Variants in NAV2 observed in about 807,000 individuals in gnomAD.
NAV2 encodes the protein neuron navigator 2.
A neutral mutation model predicts 223.2 loss-of-function variants in NAV2; 54 were observed. That is an observed-to-expected ratio of 0.24 (90% CI 0.19 to 0.30). The LOEUF (loss-of-function observed/expected upper bound fraction) is 0.30, where lower values mean the gene tolerates loss of function less well. NAV2 is among the 10% of genes least tolerant of loss of function. The pLI is 1.00. For synonymous variants in NAV2, 1,279 were observed against 1,239.3 expected, an observed-to-expected ratio of 1.03 and a Z score of -0.67; for missense variants, 2,806 against 3,147.5, an observed-to-expected ratio of 0.89 and a Z score of 2.60.
intron 11 of NAV2, among the ~76,000 whole-genome samples, chr11:20,005,251 ATATTTTT>A (rs1220570382): frequency 1.6e-4 from 1 of 6,096 alleles, no homozygotes; most frequent in Non-Finnish European, 5.2e-4. Context: ...ATATATATAT[ATATTTTT>A]TTTTTTTTTT....
intron 1 of NAV2, among the ~76,000 whole-genome samples, chr11:19,714,787 C>T (rs1254972689): frequency 6.6e-6 from 1 of 152,180 alleles, no homozygotes. Flanking sequence ...AAGCCCTGGC[C>T]GTGCAATCTC....
intron 1 of NAV2, among the ~76,000 whole-genome samples, chr11:19,810,619 T>C (rs1299594581): frequency 6.6e-6 from 1 of 152,238 alleles, no homozygotes; most frequent in Non-Finnish European, 1.5e-5. Context: ...TTAGTTTCTA[T>C]AGAGTCTTCA....
chr11:19,939,225 A>G (rs1329918001), intron 7 of NAV2, among the ~76,000 whole-genome samples: 4 of 152,170 alleles, frequency 2.6e-5, no homozygotes, highest in Admixed American at 2.6e-4. Context: ...AGAGAAAACC[A>G]TGTCAGGAGA....
intron 1 of NAV2, among the ~76,000 whole-genome samples, chr11:19,677,095 G>A (rs1170954522): frequency 6.6e-6 from 1 of 152,200 alleles, no homozygotes; most frequent in African/African-American, 2.4e-5. Context: ...AGAACTCCTT[G>A]TCCCTACAGG....
At chr11:19,449,846 T>G (rs1443638753) in intron 1 of NAV2, among the ~76,000 whole-genome samples, 1 of 80,206 alleles carries the variant, frequency 1.2e-5, no homozygotes, top group African/African-American at 4.9e-5. Context: ...CCCCTGGCCC[T>G]TCCTTCTGCA....
chr11:20,106,546 T>G (rs908934001), intron 35 of NAV2, among the ~76,000 whole-genome samples: 2 of 72,754 alleles, frequency 2.7e-5, no homozygotes, highest in Non-Finnish European at 5.5e-5. Flanking sequence ...GGGAACAGAG[T>G]GAGACTCCAA....
intron 1 of NAV2, among the ~76,000 whole-genome samples, chr11:19,716,337 A>G (rs2050310549): frequency 6.6e-6 from 1 of 152,172 alleles, no homozygotes; most frequent in Non-Finnish European, 1.5e-5. Context: ...CACCTTGATT[A>G]ATTTCTTTGG....
At chr11:19,419,799 G>T (rs1016529722) in intron 1 of NAV2, among the ~76,000 whole-genome samples, 3 of 152,214 alleles carry the variant, frequency 2.0e-5, no homozygotes, top group African/African-American at 7.2e-5. Context: ...TAAACTCAGT[G>T]AAAGGAAACT....
At chr11:19,842,516 C>T (rs770919380) in intron 2 of NAV2, among the ~76,000 whole-genome samples, 6 of 152,134 alleles carry the variant, frequency 3.9e-5, no homozygotes, top group Non-Finnish European at 5.9e-5. Context: ...TGAACTATTC[C>T]GTCTTTTGTG....
chr11:19,602,451 C>T (rs975465649), intron 1 of NAV2, among the ~76,000 whole-genome samples: 2 of 152,158 alleles, frequency 1.3e-5, no homozygotes, highest in Non-Finnish European at 2.9e-5. Context: ...GCTGGGATGA[C>T]AGGCATGAGC....
At chr11:19,367,317 C>T (rs1441598272) in intron 1 of NAV2, among the ~76,000 whole-genome samples, 1 of 152,160 alleles carries the variant, frequency 6.6e-6, no homozygotes, top group Non-Finnish European at 1.5e-5. Context: ...CTCTGACTTC[C>T]AAGGCCCCTT....
intron 3 of NAV2, among the ~76,000 whole-genome samples, chr11:19,849,855 T>C (rs1371155511): frequency 6.6e-6 from 1 of 152,232 alleles, no homozygotes; most frequent in Non-Finnish European, 1.5e-5. Flanking sequence ...CACTATCTTA[T>C]GTGTTGGCCA....
chr11:20,085,336 A>G (rs2060368226), intron 26 of NAV2, among the ~76,000 whole-genome samples: 1 of 152,218 alleles, frequency 6.6e-6, no homozygotes. Context: ...GATAAAGTAC[A>G]ACACAAAGTT....
chr11:19,615,878 G>A (rs888678260), intron 1 of NAV2, among the ~76,000 whole-genome samples: 8 of 152,194 alleles, frequency 5.3e-5, no homozygotes, highest in Non-Finnish European at 7.3e-5. Flanking sequence ...AACTGAAGCA[G>A]TAAGCCCATC....
chr11:19,709,993 T>C (rs532954198), upstream of NAV2, among the ~76,000 whole-genome samples: 2 of 152,186 alleles, frequency 1.3e-5, no homozygotes, highest in Middle Eastern at 3.2e-3. Context: ...ATGCTCATGT[T>C]TACCAATCCT....
chr11:19,684,598 C>T (rs770146776), intron 1 of NAV2, among the ~76,000 whole-genome samples: 1 of 152,052 alleles, frequency 6.6e-6, no homozygotes, highest in Non-Finnish European at 1.5e-5. Context: ...ATAGTGGAGG[C>T]CAAGCTCCTC....
intron 1 of NAV2, among the ~76,000 whole-genome samples, chr11:19,809,271 A>G (rs1256299188): frequency 3.3e-5 from 5 of 152,348 alleles, no homozygotes; most frequent in African/African-American, 9.6e-5. Flanking sequence ...TTACACACAC[A>G]TGAGAGTTTC....
At chr11:19,627,170 C>A (rs1320292376) in intron 1 of NAV2, among the ~76,000 whole-genome samples, 1 of 152,218 alleles carries the variant, frequency 6.6e-6, no homozygotes, top group East Asian at 1.9e-4. Context: ...GGTGGATCGC[C>A]TGAGGTCAGG....
At chr11:20,064,770 A>G (rs992776190) in intron 20 of NAV2, among the ~76,000 whole-genome samples, 1 of 152,214 alleles carries the variant, frequency 6.6e-6, no homozygotes, top group Non-Finnish European at 1.5e-5. Flanking sequence ...AAGACCTAAT[A>G]ATAATACTTT....
Sources: gnomAD v4.1 joint callset for allele counts (sites outside exome capture counted in the v4.1 genomes callset) on GRCh38, gnomAD v4.1.1 for gene constraint, MANE v1.5 for transcripts, NCBI Gene and HGNC (gene_info 2026-07-23, HGNC 2026-07-21) for gene names.